The following CADPS2 variants were observed in gnomAD, a reference collection of about 807,000 sequenced individuals.
CADPS2 encodes calcium dependent secretion activator 2, also known as calcium-dependent secretion activator 2.
Under a neutral mutation model 172.5 loss-of-function variants are expected in CADPS2, and 93 were observed. That is an observed-to-expected ratio of 0.54 (90% CI 0.46 to 0.64). The LOEUF (loss-of-function observed/expected upper bound fraction) is 0.64, where lower values mean the gene tolerates loss of function less well. Among genes scored for constraint, CADPS2 ranks in the 30% least tolerant of loss-of-function variants. The pLI is 0.00. For synonymous variants in CADPS2, 546 were observed against 555.2 expected, an observed-to-expected ratio of 0.98 and a Z score of 0.23; for missense variants, 1,420 against 1,565.9, an observed-to-expected ratio of 0.91 and a Z score of 1.57.
At chr7:122,728,636 G>C (rs2091336621) in intron 2 of CADPS2, among the ~76,000 whole-genome samples, 1 of 151,728 alleles carries the variant, frequency 6.6e-6, no homozygotes, top group African/African-American at 2.4e-5. Flanking sequence ...GAATACCTAG[G>C]ATAAAGGAAA....
At chr7:122,764,876 T>C (rs1162610024) in intron 1 of CADPS2, among the ~76,000 whole-genome samples, 1 of 152,098 alleles carries the variant, frequency 6.6e-6, no homozygotes, top group African/African-American at 2.4e-5. Context: ...TAAGCCTTAT[T>C]TTCCCCATCT....
chr7:122,611,623 G>T (rs906058144), intron 6 of CADPS2, among the ~76,000 whole-genome samples: 1 of 151,914 alleles, frequency 6.6e-6, no homozygotes, highest in African/African-American at 2.4e-5. Flanking sequence ...AGTCCCAGAT[G>T]GCTCCACTGG....
rs1473469454 is a variant in CADPS2, at chr7:122,634,131, TTTC to T, written c.787-4806_787-4804del. ...TGACTATATTCATTAGGGATATTGA[TTTC>T]TTATTTCATTGTGTCTCTTCCAGAT... On this transcript the variant is annotated intron_variant, in intron 3 of 29. Transcript: ENST00000449022. Among the ~76,000 whole-genome samples the T allele has an allele frequency of 2.6e-5, 4 of 152,096 alleles. No individual in the cohort carries two copies. The East Asian group carries it at 7.7e-4, about 29-fold the overall frequency.
At chr7:122,829,935 G>C (rs1019941025) in intron 1 of CADPS2, among the ~76,000 whole-genome samples, 7 of 151,824 alleles carry the variant, frequency 4.6e-5, no homozygotes, top group African/African-American at 1.7e-4. Context: ...CCAGTAAGAA[G>C]AGCAAGAGAG....
At chr7:122,615,714 T>C (rs1463309816) in intron 5 of CADPS2, among the ~76,000 whole-genome samples, 1 of 152,060 alleles carries the variant, frequency 6.6e-6, no homozygotes, top group African/African-American at 2.4e-5. Context: ...TATATATTAT[T>C]GGTAAACATT....
intron 2 of CADPS2, among the ~76,000 whole-genome samples, chr7:122,715,992 T>C (rs1212063212): frequency 1.3e-5 from 2 of 152,082 alleles, no homozygotes; most frequent in Middle Eastern, 6.3e-3. Context: ...TATTTCAAAA[T>C]TGCTAGAAGA....
intron 18 of CADPS2, 116 bp from the exon 19 acceptor site, chr7:122,414,192 G>C: frequency 1.7e-6 from 1 of 592,156 alleles, no homozygotes; most frequent in South Asian, 4.6e-5. Flanking sequence ...ATCGTATAGT[G>C]ATATTTATGA....
chr7:122,723,456 T>C (rs548528971), intron 2 of CADPS2, among the ~76,000 whole-genome samples: 1 of 152,086 alleles, frequency 6.6e-6, no homozygotes, highest in East Asian at 1.9e-4. Flanking sequence ...ATCAGAGAAA[T>C]GCAAATCAAA....
At chr7:122,845,030 T>C (rs997275191) in intron 1 of CADPS2, among the ~76,000 whole-genome samples, 1 of 152,122 alleles carries the variant, frequency 6.6e-6, no homozygotes, top group Non-Finnish European at 1.5e-5. Flanking sequence ...AAACTTCAAA[T>C]AAGGCTTCCT....
In CADPS2 at chr7:122,540,506, T is replaced by A. The variant is rs371580885; in HGVS notation, c.1475+14044A>T. Among the ~76,000 whole-genome samples the A allele has an allele frequency of 2.2e-4, 34 of 152,258 alleles. No homozygotes were observed. In the South Asian group the frequency reaches 5.4e-3, roughly 24 times the overall value. ...TCCTCAATTTGGAACTAAATTTATATCTCGGCTCTTACAAATATTCAAACT... is the reference window on the plus strand; with the variant it reads ...TCCTCAATTTGGAACTAAATTTATAACTCGGCTCTTACAAATATTCAAACT... On this transcript the variant is annotated intron_variant, in intron 8 of 29. Transcript: ENST00000449022.
At chr7:122,597,271 T>G (rs967973514) in intron 6 of CADPS2, among the ~76,000 whole-genome samples, 3 of 152,118 alleles carry the variant, frequency 2.0e-5, no homozygotes, top group Non-Finnish European at 4.4e-5. Flanking sequence ...TAATAAGTCC[T>G]GCCTCACATA....
chr7:122,344,953 A>G (rs1298199681), intron 28 of CADPS2, among the ~76,000 whole-genome samples: 1 of 152,098 alleles, frequency 6.6e-6, no homozygotes, highest in African/African-American at 2.4e-5. Context: ...CTTCAAGGAG[A>G]AAAAACTTCT....
intron 21 of CADPS2, 34 bp downstream of exon 21, chr7:122,393,406 GC>G: frequency 1.2e-6 from 2 of 1,613,134 alleles, no homozygotes. Flanking sequence ...GGTTGAAGAG[GC>G]AGGTGCTCTA....
chr7:122,526,174 A>G (rs999044623), intron 8 of CADPS2, among the ~76,000 whole-genome samples: 2 of 130,460 alleles, frequency 1.5e-5, no homozygotes, highest in African/African-American at 6.1e-5. Flanking sequence ...ATATCCTTTG[A>G]TACACTTATT....
At chr7:122,339,724 T>C (rs1346837381) in intron 28 of CADPS2, among the ~76,000 whole-genome samples, 1 of 152,158 alleles carries the variant, frequency 6.6e-6, no homozygotes, top group Non-Finnish European at 1.5e-5. Context: ...CTGTTTCTAC[T>C]AAAAATACAA....
At chr7:122,848,948 A>G (rs1353344423) in intron 1 of CADPS2, among the ~76,000 whole-genome samples, 1 of 152,220 alleles carries the variant, frequency 6.6e-6, no homozygotes, top group East Asian at 1.9e-4. Flanking sequence ...ACAGCTTTTC[A>G]TATTCTATTA....
chr7:122,818,022 A>C (rs1306737678), intron 1 of CADPS2, among the ~76,000 whole-genome samples: 1 of 101,832 alleles, frequency 9.8e-6, no homozygotes, highest in Admixed American at 1.2e-4. Context: ...CCCATCCCTT[A>C]TTTCTGTGCC....
At chr7:122,527,617 A>AGAGAGAGAGAGAGAGGGTGTGTGTGTGT in intron 8 of CADPS2, among the ~76,000 whole-genome samples, 1 of 83,806 alleles carries the variant, frequency 1.2e-5, no homozygotes, top group Non-Finnish European at 2.6e-5. Flanking sequence ...AGAGAGAGAG[A>AGAGAGAGAGAGAGAGGGTGTGTGTGTGT]GTGTGTGTGT....
intron 1 of CADPS2, among the ~76,000 whole-genome samples, chr7:122,882,827 T>G (rs1472133852): frequency 6.6e-6 from 1 of 152,112 alleles, no homozygotes; most frequent in Non-Finnish European, 1.5e-5. Context: ...TAAATCAGCA[T>G]TAGAGGCTCA....
Sources: allele counts gnomAD v4.1 joint callset (sites outside exome capture counted in the v4.1 genomes callset), GRCh38; gene constraint gnomAD v4.1.1; transcripts MANE v1.5; gene names NCBI Gene and HGNC (gene_info 2026-07-23, HGNC 2026-07-21).